MRPS28: variants seen among roughly 807,000 people sequenced by gnomAD.
MRPS28 encodes mitochondrial ribosomal protein S28.
A neutral mutation model predicts 10.8 loss-of-function variants in MRPS28; 7 were observed. The ratio of observed to expected loss-of-function variants is 0.65; its 90% CI spans 0.37 to 1.22. The LOEUF (loss-of-function observed/expected upper bound fraction) is 1.22, where lower values mean the gene tolerates loss of function less well. Ranked by LOEUF, MRPS28 falls within the 50% of genes most tolerant of loss-of-function variation. The probability of loss-of-function intolerance (pLI) is 0.02; values close to 1 mark genes in which losing one functional copy is unlikely to be tolerated. For synonymous variants in MRPS28, 121 were observed against 93.3 expected, an observed-to-expected ratio of 1.30 and a Z score of -1.71; for missense variants, 265 against 232.9, an observed-to-expected ratio of 1.14 and a Z score of -0.90.
chr8:80,007,412 T>A (rs1253411335), intron 1 of MRPS28, among the ~76,000 whole-genome samples: 1 of 152,182 alleles, frequency 6.6e-6, no homozygotes, highest in Non-Finnish European at 1.5e-5. Flanking sequence ...GTGTTGGAAG[T>A]TCTAGCCAGG....
At chr8:79,935,572 T>C (rs1314368274) in intron 2 of MRPS28, among the ~76,000 whole-genome samples, 4 of 152,206 alleles carry the variant, frequency 2.6e-5, no homozygotes, top group African/African-American at 9.6e-5. Flanking sequence ...TGTGATTAGC[T>C]GAAGAGTGTT....
intron 2 of MRPS28, among the ~76,000 whole-genome samples, chr8:79,977,515 A>G (rs972767320): frequency 6.6e-6 from 1 of 152,188 alleles, no homozygotes; most frequent in Admixed American, 6.5e-5. Flanking sequence ...AATTATTTTT[A>G]TAATAAACAA....
rs1220162144 is a variant in MRPS28, at chr8:80,024,395, T to TAC, written c.213+5639_213+5640dup. On this transcript the variant is annotated intron_variant, in intron 1 of 2. Coordinates refer to ENST00000276585, the MANE Select transcript of MRPS28 (RefSeq NM_014018.3). The stretch of plus-strand genomic sequence containing the variant: ...CAACCACCATACAGAACAATGGCAT[T>TAC]ACACTTAATGCCATTTAACTTCGGT... Among the ~76,000 whole-genome samples, 7 of 152,162 alleles carry TAC rather than the reference T, an allele frequency of 4.6e-5. 1 individual carries two copies.
chr8:79,932,485 G>C (rs939277350), intron 2 of MRPS28, among the ~76,000 whole-genome samples: 1 of 152,202 alleles, frequency 6.6e-6, no homozygotes, highest in African/African-American at 2.4e-5. Flanking sequence ...AGTGTGACTG[G>C]AAAGTACTGG....
chr8:79,982,436 G>A (rs534479621), intron 2 of MRPS28, among the ~76,000 whole-genome samples: 4 of 152,352 alleles, frequency 2.6e-5, no homozygotes, highest in South Asian at 2.1e-4. Context: ...GCAGCGCACC[G>A]TGCGTGAGCC....
At chr8:79,953,357 A>C (rs1186604055) in intron 2 of MRPS28, among the ~76,000 whole-genome samples, 2 of 152,230 alleles carry the variant, frequency 1.3e-5, no homozygotes, top group Non-Finnish European at 2.9e-5. Flanking sequence ...TGGATGTATT[A>C]AGATAATACG....
At chr8:79,999,264 T>C (rs895755795) in intron 2 of MRPS28, among the ~76,000 whole-genome samples, 1 of 152,208 alleles carries the variant, frequency 6.6e-6, no homozygotes, top group African/African-American at 2.4e-5. Context: ...TCATATAATC[T>C]AAACGTACAG....
intron 1 of MRPS28, among the ~76,000 whole-genome samples, chr8:80,015,819 T>G (rs1809180783): frequency 6.6e-6 from 1 of 151,822 alleles, no homozygotes; most frequent in Admixed American, 6.6e-5. Flanking sequence ...AGATAAGCAA[T>G]GTACGCAGAA....
At chr8:79,948,722 A>G (rs1370017774) in intron 2 of MRPS28, among the ~76,000 whole-genome samples, 3 of 152,020 alleles carry the variant, frequency 2.0e-5, no homozygotes, top group Non-Finnish European at 4.4e-5. Context: ...TTTCCTGATC[A>G]TATGGATTTT....
At chr8:79,988,961 G>T (rs935916162) in intron 2 of MRPS28, among the ~76,000 whole-genome samples, 5 of 152,170 alleles carry the variant, frequency 3.3e-5, no homozygotes, top group African/African-American at 1.2e-4. Flanking sequence ...GAAGTAGAAG[G>T]AGAATCAAGA....
intron 2 of MRPS28, among the ~76,000 whole-genome samples, chr8:79,952,255 C>T (rs996524387): frequency 1.4e-4 from 21 of 152,060 alleles, no homozygotes; most frequent in African/African-American, 5.1e-4. Flanking sequence ...CAATTTTGTT[C>T]ATATCGATTG....
intron 1 of MRPS28, among the ~76,000 whole-genome samples, chr8:80,011,141 ATT>A (rs1491477017): frequency 6.7e-6 from 1 of 148,188 alleles, no homozygotes; most frequent in African/African-American, 2.5e-5. Flanking sequence ...TTTTATTTTT[ATT>A]TTTTTTTGTA....
chr8:79,950,624 C>T (rs565723484), intron 2 of MRPS28, among the ~76,000 whole-genome samples: 7 of 152,252 alleles, frequency 4.6e-5, no homozygotes, highest in Non-Finnish European at 8.8e-5. Flanking sequence ...AATAATTCCA[C>T]AACATTCTAA....
At chr8:79,937,491 G>A (rs1052697838) in intron 2 of MRPS28, among the ~76,000 whole-genome samples, 1 of 152,200 alleles carries the variant, frequency 6.6e-6, no homozygotes, top group Non-Finnish European at 1.5e-5. Flanking sequence ...CTATAGCTTA[G>A]TGATACTGAT....
intron 2 of MRPS28, among the ~76,000 whole-genome samples, chr8:79,995,559 A>G (rs1273753130): frequency 6.6e-6 from 1 of 152,194 alleles, no homozygotes; most frequent in African/African-American, 2.4e-5. Flanking sequence ...TTGGTTCAAC[A>G]AACACTGTTC....
intron 2 of MRPS28, among the ~76,000 whole-genome samples, chr8:79,979,428 T>C (rs972083003): frequency 4.6e-5 from 7 of 152,216 alleles, no homozygotes; most frequent in African/African-American, 1.7e-4. Flanking sequence ...TGTATAGGTC[T>C]GACCAATTAA....
chr8:79,969,708 A>G (rs1418670474), intron 2 of MRPS28, among the ~76,000 whole-genome samples: 1 of 151,964 alleles, frequency 6.6e-6, no homozygotes, highest in East Asian at 1.9e-4. Flanking sequence ...AAACCCCACT[A>G]TAAATTTAAA....
intron 2 of MRPS28, among the ~76,000 whole-genome samples, chr8:79,991,515 A>C (rs1347053982): frequency 1.3e-5 from 2 of 152,218 alleles, no homozygotes; most frequent in East Asian, 1.9e-4. Context: ...CTAGAATCAC[A>C]GTTGGAAAGA....
At chr8:79,956,824 T>C (rs1807228312) in intron 2 of MRPS28, 1 of 152,216 alleles carries the variant, frequency 6.6e-6, no homozygotes, top group South Asian at 2.1e-4. Context: ...ATTCTTTTTT[T>C]GGCTGCATGA....
Sources: allele counts gnomAD v4.1 joint callset (sites outside exome capture counted in the v4.1 genomes callset), GRCh38; gene constraint gnomAD v4.1.1; transcripts MANE v1.5; gene names NCBI Gene and HGNC (gene_info 2026-07-23, HGNC 2026-07-21).